Variants in GALNT7 observed in about 807,000 individuals in gnomAD.
GALNT7 encodes the protein polypeptide N-acetylgalactosaminyltransferase 7.
In GALNT7, 60 loss-of-function variants were observed where a neutral mutation model predicts 82.1. The observed-to-expected ratio is 0.73, with a 90% CI of 0.59 to 0.91. The LOEUF is 0.91. Ranked by LOEUF, GALNT7 falls within the 40% of genes least tolerant of loss-of-function variation. The probability of loss-of-function intolerance (pLI) is 0.00; values close to 1 mark genes in which losing one functional copy is unlikely to be tolerated. For synonymous variants in GALNT7, 243 were observed against 275.1 expected (o/e 0.88, Z 1.15); for missense variants, 660 against 804.2 (o/e 0.82, Z 2.17).
intron 2 of GALNT7, among the ~76,000 whole-genome samples, chr4:173,257,254 A>G (rs758824084): frequency 6.6e-6 from 1 of 152,218 alleles, no homozygotes; most frequent in Non-Finnish European, 1.5e-5. Flanking sequence ...AAGGCAAGTC[A>G]TTGGAGAGAG....
intron 1 of GALNT7, among the ~76,000 whole-genome samples, chr4:173,229,325 A>G (rs28477861): frequency 0.41 from 62,415 of 151,982 alleles, 14,311 homozygotes; most frequent in East Asian, 0.66. Context: ...AGTTAGTAGT[A>G]TTTTATTGGT....
At chr4:173,252,997 C>T (rs1312462604) in intron 2 of GALNT7, among the ~76,000 whole-genome samples, 1 of 151,918 alleles carries the variant, frequency 6.6e-6, no homozygotes, top group Non-Finnish European at 1.5e-5. Flanking sequence ...TCCAGGAGTT[C>T]GAGACCAGCC....
intron 1 of GALNT7, among the ~76,000 whole-genome samples, chr4:173,184,304 G>T (rs1732393169): frequency 6.6e-6 from 1 of 152,090 alleles, no homozygotes; most frequent in Non-Finnish European, 1.5e-5. Flanking sequence ...TCCAGCCTGG[G>T]CAACATTGAG....
chr4:173,229,825 T>G (rs757101981), intron 1 of GALNT7, among the ~76,000 whole-genome samples: 1 of 152,182 alleles, frequency 6.6e-6, no homozygotes, highest in African/African-American at 2.4e-5. Context: ...ATGAAATACT[T>G]TCTCTGATAA....
chr4:173,271,814 A>C (rs1447434481), intron 2 of GALNT7, among the ~76,000 whole-genome samples: 1 of 152,186 alleles, frequency 6.6e-6, no homozygotes, highest in Non-Finnish European at 1.5e-5. Context: ...TAGATGTTAT[A>C]TATTATTTCT....
intron 1 of GALNT7, among the ~76,000 whole-genome samples, chr4:173,235,714 C>T (rs951710088): frequency 1.3e-5 from 2 of 152,136 alleles, no homozygotes; most frequent in Non-Finnish European, 2.9e-5. Flanking sequence ...CACCACCACG[C>T]CCAGCTAATT....
intron 1 of GALNT7, among the ~76,000 whole-genome samples, chr4:173,210,101 T>A: frequency 6.6e-6 from 1 of 151,006 alleles, no homozygotes; most frequent in Non-Finnish European, 1.5e-5. Context: ...GCCACTGCAC[T>A]CCAGCCTGGG....
At chr4:173,185,633 A>G (rs1732440333) in intron 1 of GALNT7, among the ~76,000 whole-genome samples, 1 of 152,196 alleles carries the variant, frequency 6.6e-6, no homozygotes, top group Non-Finnish European at 1.5e-5. Context: ...AAGGACTTAC[A>G]GTTTAGGAAT....
At chr4:173,283,488 G>T (rs1736191526) in intron 2 of GALNT7, among the ~76,000 whole-genome samples, 1 of 152,012 alleles carries the variant, frequency 6.6e-6, no homozygotes, top group Non-Finnish European at 1.5e-5. Flanking sequence ...GAAAATACAA[G>T]AATTAGCTGG....
chr4:173,190,195 G>A (rs1045138885), intron 1 of GALNT7, among the ~76,000 whole-genome samples: 2 of 152,096 alleles, frequency 1.3e-5, no homozygotes, highest in African/African-American at 4.8e-5. Flanking sequence ...GTCATTCCTG[G>A]AGAGTTGCTT....
intron 2 of GALNT7, chr4:173,282,385 G>C (rs2126810069): frequency 6.6e-6 from 1 of 152,338 alleles, no homozygotes; most frequent in South Asian, 2.1e-4. Context: ...CTGCTTCTCT[G>C]TGTGCAGGTG....
intron 2 of GALNT7, among the ~76,000 whole-genome samples, chr4:173,258,159 G>A: frequency 6.6e-6 from 1 of 152,184 alleles, no homozygotes; most frequent in Non-Finnish European, 1.5e-5. Flanking sequence ...ATACAAAGAA[G>A]AATCTATCTA....
At chr4:173,232,291 C>G (rs1039060232) in intron 1 of GALNT7, among the ~76,000 whole-genome samples, 5 of 151,836 alleles carry the variant, frequency 3.3e-5, no homozygotes, top group African/African-American at 9.7e-5. Context: ...AAATCCCTGA[C>G]ATATACTAGA....
At chr4:173,275,122 G>C (rs1170332848) in intron 2 of GALNT7, among the ~76,000 whole-genome samples, 1 of 152,202 alleles carries the variant, frequency 6.6e-6, no homozygotes, top group Non-Finnish European at 1.5e-5. Flanking sequence ...ATTTTTGGGG[G>C]CTCATTAGGA....
intron 1 of GALNT7, among the ~76,000 whole-genome samples, chr4:173,242,160 A>G (rs772236515): frequency 6.6e-6 from 1 of 152,070 alleles, no homozygotes; most frequent in Non-Finnish European, 1.5e-5. Context: ...TATTTTCTCT[A>G]TTTTGTTACC....
At chr4:173,309,283 G>C (rs954609371) in intron 8 of GALNT7, among the ~76,000 whole-genome samples, 2 of 152,224 alleles carry the variant, frequency 1.3e-5, no homozygotes, top group Admixed American at 1.3e-4. Context: ...GGGAGTGTAC[G>C]TGCTCTCTCT....
At chr4:173,250,056 C>G (rs546498043) in intron 2 of GALNT7, among the ~76,000 whole-genome samples, 55 of 152,290 alleles carry the variant, frequency 3.6e-4, no homozygotes, top group African/African-American at 1.3e-3. Flanking sequence ...CACAACCAAA[C>G]TGTGAGAGAG....
At chr4:173,247,725 G>A (rs961499320) in intron 1 of GALNT7, among the ~76,000 whole-genome samples, 27 of 152,170 alleles carry the variant, frequency 1.8e-4, no homozygotes, top group African/African-American at 6.5e-4. Context: ...AAGTAGATTT[G>A]TAAAGGGAGA....
intron 2 of GALNT7, among the ~76,000 whole-genome samples, chr4:173,252,228 C>G (rs1343607287): frequency 1.3e-5 from 2 of 152,198 alleles, no homozygotes; most frequent in South Asian, 4.1e-4. Context: ...AGGATGCACC[C>G]TTCCTCATCC....
Sources: allele counts gnomAD v4.1 joint callset (sites outside exome capture counted in the v4.1 genomes callset), GRCh38; gene constraint gnomAD v4.1.1; transcripts MANE v1.5; gene names NCBI Gene and HGNC (gene_info 2026-07-23, HGNC 2026-07-21).